The following WDR7 variants were observed in gnomAD, a reference collection of about 807,000 sequenced individuals.
WDR7 encodes WD repeat domain 7.
Under a neutral mutation model 169.4 loss-of-function variants are expected in WDR7, and 46 were observed. The observed-to-expected ratio is 0.27, with a 90% confidence interval of 0.21 to 0.35. The LOEUF is 0.35. Among genes scored for constraint, WDR7 ranks in the 10% least tolerant of loss-of-function variants. The pLI is 1.00. For synonymous variants in WDR7, 612 were observed against 666.8 expected (o/e 0.92, Z 1.27); for missense variants, 1,534 against 1,859.3 (o/e 0.83, Z 3.22).
At position 56,696,256 on chromosome 18, in the gene WDR7, A is replaced by C; in HGVS notation, c.1372A>C (p.Arg458=). Residue 458 remains arginine, a synonymous_variant, in exon 12 of 28, where the codon AGA becomes CGA. Coordinates refer to ENST00000254442, the MANE Select transcript of WDR7 (RefSeq NM_015285.3). ...HMLRRGWPPH[R]TLRGHRNKVT... ...CTCATTCACAGGTTGGCCACCTCACAGAACACTCCGTGGTCATCGGAACAA... is the reference window on the plus strand; with the variant it reads ...CTCATTCACAGGTTGGCCACCTCACCGAACACTCCGTGGTCATCGGAACAA... 10 of 1,611,584 alleles carry C rather than the reference A, an allele frequency of 6.2e-6. No individual in the cohort carries two copies. Among genetic ancestry groups the C allele is most frequent in the Non-Finnish European group, 8.5e-6 (10 of 1,178,634 alleles).
At chr18:56,923,738 A>C (rs147331202) in intron 21 of WDR7, among the ~76,000 whole-genome samples, 184 bp from the exon 22 acceptor site, 135 of 152,326 alleles carry the variant, frequency 8.9e-4, no homozygotes, top group African/African-American at 3.1e-3. Context: ...ATATAGCCTA[A>C]CTTTTCTCTT....
chr18:56,909,028 A>G (rs949416568), intron 21 of WDR7, among the ~76,000 whole-genome samples: 10 of 152,280 alleles, frequency 6.6e-5, no homozygotes, highest in African/African-American at 2.2e-4. Context: ...GGAGAGGCAT[A>G]TAATATATCA....
Position 57,027,177 on chromosome 18 carries a change from T to C in WDR7, c.4443T>C (p.His1481=), listed in dbSNP as rs1209508470. The change falls in exon 28 of 28, where the codon CAT becomes CAC. Residue 1481 remains histidine (H), a synonymous_variant. Coordinates refer to ENST00000254442, the MANE Select transcript of WDR7 (RefSeq NM_015285.3). ...TSNRNVILMA[H]DGKEHRFMV is the part of the protein sequence containing the mutation. ...ACCGCAACGTCATCCTCATGGCCCA[T>C]GACGGGAAGGAGCACCGCTTCATGG... 1.2e-6 allele frequency: 2 copies of C among 1,614,024 alleles called. No homozygotes were observed. The highest frequency in any genetic ancestry group is 8.5e-7 in the Non-Finnish European group (1 of 1,179,978).
rs2046044993 is a variant in WDR7, at chr18:56,877,717, G to A, written c.3305-2227G>A. On this transcript the variant is annotated intron_variant, in intron 20 of 27. Coordinates refer to ENST00000254442, the MANE Select transcript of WDR7 (RefSeq NM_015285.3). ...TCCAGGGTTTACCCCAGATATGGAA[G>A]CATAGTTCAAGGCCAGAAAATATAT... Among the ~76,000 whole-genome samples the A allele has an allele frequency of 2.0e-5, 3 of 152,268 alleles. No homozygotes were observed. In the South Asian group the frequency reaches 6.2e-4, roughly 32 times the overall value.
intron 26 of WDR7, among the ~76,000 whole-genome samples, chr18:57,000,516 ATTTTGTTTTTTAGTGG>A (rs2047961314): frequency 6.6e-6 from 1 of 152,016 alleles, no homozygotes; most frequent in Non-Finnish European, 1.5e-5. Context: ...GGCCATAATC[ATTTTGTTTTTTAGTGG>A]TTTTGTAATC....
rs904430252 is a variant in WDR7, at chr18:56,696,382, T to G, written c.1498T>G (p.Phe500Val). ...TTTTTCAGTCATAATTTGGGACATATTTTCTGGAGAAATGAAACATATCTT... is the reference window on the plus strand; with the variant it reads ...TTTTTCAGTCATAATTTGGGACATAGTTTCTGGAGAAATGAAACATATCTT... ...VDFSVIIWDIFSGEMKHIFCV... is the reference protein window; with the variant it reads ...VDFSVIIWDIVSGEMKHIFCV... Residue 500 changes from phenylalanine to valine, a missense_variant, in exon 12 of 28, where the codon TTT becomes GTT. By Grantham distance (50) the Phe-to-Val change is conservative (BLOSUM62 -1). Transcript: ENST00000254442. The G allele has an allele frequency of 1.9e-6, 3 of 1,614,134 alleles. No individual in the cohort carries two copies. The highest frequency in any genetic ancestry group is 2.5e-6 in the Non-Finnish European group (3 of 1,180,022).
intron 26 of WDR7, among the ~76,000 whole-genome samples, chr18:56,980,595 C>T (rs1387995035): frequency 6.6e-5 from 10 of 152,116 alleles, no homozygotes; most frequent in East Asian, 1.9e-4. Context: ...TTACATTTTG[C>T]GATAAATACT....
intron 26 of WDR7, among the ~76,000 whole-genome samples, chr18:56,987,457 A>G (rs1026132078): frequency 4.6e-5 from 7 of 152,106 alleles, no homozygotes; most frequent in African/African-American, 1.4e-4. Flanking sequence ...CAGCTAAAAT[A>G]AGACTCCATC....
chr18:56,696,269 G>A lies in WDR7; in HGVS notation c.1385G>A (p.Gly462Asp). The change falls in exon 12 of 28, where the codon GGT becomes GAT. Residue 462 changes from glycine (G) to aspartate (D), a missense_variant. Coordinates refer to ENST00000254442, the MANE Select transcript of WDR7 (RefSeq NM_015285.3). ...RGWPPHRTLR[G>D]HRNKVTCLLY... is the part of the protein sequence containing the mutation. ...TGGCCACCTCACAGAACACTCCGTG[G>A]TCATCGGAACAAAGTCACATGTTTG... The A allele has an allele frequency of 6.2e-7, 1 of 1,613,824 alleles. No individual in the cohort carries two copies. Among genetic ancestry groups the A allele is most frequent in the Non-Finnish European group, 8.5e-7 (1 of 1,179,858 alleles).
chr18:56,679,710 G>A (rs747770739), intron 3 of WDR7, among the ~76,000 whole-genome samples: 2 of 152,064 alleles, frequency 1.3e-5, no homozygotes, highest in Non-Finnish European at 2.9e-5. Context: ...GTTAAAGCAC[G>A]ATCATTCATC....
chr18:56,883,056 A>G (rs1167033864), intron 21 of WDR7, among the ~76,000 whole-genome samples: 1 of 152,066 alleles, frequency 6.6e-6, no homozygotes, highest in Non-Finnish European at 1.5e-5. Context: ...TAAAAATACA[A>G]AAAATTGGCC....
chr18:56,727,277 T>C (rs926491769), intron 13 of WDR7, among the ~76,000 whole-genome samples: 21 of 152,106 alleles, frequency 1.4e-4, no homozygotes, highest in Non-Finnish European at 2.8e-4. Flanking sequence ...TTTCAAAATC[T>C]TTAAATATTC....
intron 19 of WDR7, among the ~76,000 whole-genome samples, chr18:56,803,528 G>A (rs2044715575): frequency 6.6e-6 from 1 of 152,052 alleles, no homozygotes; most frequent in African/African-American, 2.4e-5. Context: ...TGTATCGTAA[G>A]ACGTCTGGAA....
intron 20 of WDR7, among the ~76,000 whole-genome samples, chr18:56,844,198 C>T (rs1393561950): frequency 1.3e-5 from 2 of 151,532 alleles, no homozygotes; most frequent in African/African-American, 4.9e-5. Context: ...TCCTAATGAG[C>T]GTGAAGTGTG....
intron 13 of WDR7, among the ~76,000 whole-genome samples, chr18:56,719,387 C>G (rs1233385521): frequency 6.6e-6 from 1 of 151,916 alleles, no homozygotes. Context: ...CACTTGAAAC[C>G]CCGTTTCTAC....
chr18:56,796,280 A>G (rs544783084), intron 19 of WDR7, among the ~76,000 whole-genome samples: 1 of 152,278 alleles, frequency 6.6e-6, no homozygotes, highest in South Asian at 2.1e-4. Context: ...CTTCACCTCC[A>G]TTTGAAGATT....
At chr18:56,745,436 G>A (rs1301606167) in intron 14 of WDR7, among the ~76,000 whole-genome samples, 1 of 152,168 alleles carries the variant, frequency 6.6e-6, no homozygotes, top group Non-Finnish European at 1.5e-5. Flanking sequence ...CGTGGAAGAC[G>A]GTTTTTCCAT....
chr18:56,665,851 G>T (rs1424830749), intron 1 of WDR7, among the ~76,000 whole-genome samples: 1 of 152,174 alleles, frequency 6.6e-6, no homozygotes, highest in African/African-American at 2.4e-5. Context: ...AAAGGAAATA[G>T]TTTGGCCCTG....
intron 13 of WDR7, among the ~76,000 whole-genome samples, chr18:56,730,705 G>A (rs2026565668): frequency 6.6e-6 from 1 of 152,138 alleles, no homozygotes; most frequent in South Asian, 2.1e-4. Flanking sequence ...GGCGGAACTT[G>A]TAGTGAGCCA....
Sources: gnomAD v4.1 joint callset for allele counts (sites outside exome capture counted in the v4.1 genomes callset) on GRCh38, gnomAD v4.1.1 for gene constraint, MANE v1.5 for transcripts, NCBI Gene and HGNC (gene_info 2026-07-23, HGNC 2026-07-21) for gene names.